RNF115: variants seen among roughly 807,000 people sequenced by gnomAD.
The protein encoded by RNF115 is E3 ubiquitin-protein ligase RNF115.
RNF115 carries 31 observed loss-of-function variants against 39.2 expected under a neutral mutation model. That is an observed-to-expected ratio of 0.79 (90% CI 0.59 to 1.07). The LOEUF is 1.07. Ranked by LOEUF, RNF115 falls within the 50% of genes least tolerant of loss-of-function variation. The pLI is 0.00. For synonymous variants in RNF115, 124 were observed against 131.0 expected (o/e 0.95, Z 0.37); for missense variants, 384 against 381.7 (o/e 1.01, Z -0.05).
rs1258294227 is a variant in RNF115, at chr1:145,744,982, T to C, written c.*1884A>G. On this transcript the variant is annotated 3_prime_UTR_variant, in exon 9 of 9. Transcript: ENST00000582693. Reference sequence around the variant, plus strand: ...TTTGGACATGATCACACTGATCAGTTTGAGTCCAAGTATAGCCAGAACCAA... The same window carrying C: ...TTTGGACATGATCACACTGATCAGTCTGAGTCCAAGTATAGCCAGAACCAA... The C allele has an allele frequency of 1.3e-5, 2 of 152,164 alleles. No individual in the cohort carries two copies. Among genetic ancestry groups the C allele is most frequent in the Non-Finnish European group, 2.9e-5 (2 of 68,042 alleles). The allele number at this position is 152,164 out of a possible 1,614,324, so 9.4% of individuals were successfully genotyped here.
At chr1:145,804,841 A>G (rs781927217) in intron 1 of RNF115, among the ~76,000 whole-genome samples, 2 of 152,148 alleles carry the variant, frequency 1.3e-5, no homozygotes, top group African/African-American at 2.4e-5. Flanking sequence ...AAGTGGAGGG[A>G]TGGAGATAGG....
Position 145,741,885 on chromosome 1 carries a change from G to C in RNF115, c.*4981C>G, listed in dbSNP as rs183224601. On this transcript the variant is annotated 3_prime_UTR_variant, in exon 9 of 9. Coordinates refer to ENST00000582693, the MANE Select transcript of RNF115 (RefSeq NM_014455.4). ...AGCACTTTGGGATGCTGAGGTCGGT[G>C]ATCACTTGACATCAGGAGTTCGAGA... 2.0e-5 allele frequency: 3 copies of C among 152,386 alleles called. No individual in the cohort carries two copies. The highest frequency in any genetic ancestry group is 4.4e-5 in the Non-Finnish European group (3 of 68,106). The allele number at this position is 152,386 out of a possible 1,614,324, so 9.4% of individuals were successfully genotyped here.
intron 1 of RNF115, among the ~76,000 whole-genome samples, chr1:145,794,573 G>C (rs1236881475): frequency 7.0e-6 from 1 of 142,156 alleles, no homozygotes; most frequent in African/African-American, 2.7e-5. Flanking sequence ...GCAGTGGTGC[G>C]ATCTCCTATT....
At chr1:145,808,212 G>A (rs782770373) in intron 1 of RNF115, among the ~76,000 whole-genome samples, 1 of 152,150 alleles carries the variant, frequency 6.6e-6, no homozygotes, top group Non-Finnish European at 1.5e-5. Flanking sequence ...CTACCCAGTA[G>A]CGGGATTGCT....
chr1:145,784,523 C>T lies in RNF115; in HGVS notation c.219+16G>A. 2 of 1,612,054 alleles carry T rather than the reference C, an allele frequency of 1.2e-6. No individual in the cohort carries two copies. The highest frequency in any genetic ancestry group is 1.7e-6 in the Non-Finnish European group (2 of 1,178,248). On this transcript the variant is annotated intron_variant, in intron 3 of 8. Coordinates refer to ENST00000582693, the MANE Select transcript of RNF115 (RefSeq NM_014455.4). Reference sequence around the variant, plus strand: ...ACCACTTCTTAAAGAATTCCTACAGCTAAAGGAAAACTTACCTCTGCAAAA... The same window carrying T: ...ACCACTTCTTAAAGAATTCCTACAGTTAAAGGAAAACTTACCTCTGCAAAA...
At chr1:145,815,122 T>G (rs1473952661) in intron 1 of RNF115, among the ~76,000 whole-genome samples, 4 of 152,306 alleles carry the variant, frequency 2.6e-5, no homozygotes, top group Non-Finnish European at 5.9e-5. Context: ...ACTTTTATTA[T>G]GGGTGGTTTG....
At position 145,746,225 on chromosome 1, in the gene RNF115, C is replaced by CA. The variant is rs200797637; in HGVS notation, c.*640dup. The CA allele has an allele frequency of 7.9e-3, 964 of 122,278 alleles. 11 individuals carry two copies. The highest frequency in any genetic ancestry group is 0.019 in the African/African-American group (638 of 33,060). 7.6% of individuals were successfully genotyped at this position (122,278 alleles called of 1,614,324 possible). A position where few individuals can be genotyped will look rare whatever the true frequency, so the allele number is the denominator to read the frequency against. ...TAGGCGACAGAGCGAGACTCCATCT[C>CA]AAAAAAAAAAAACAAAAAAAATTAA... On this transcript the variant is annotated 3_prime_UTR_variant, in exon 9 of 9. Transcript: ENST00000582693.
chr1:145,808,276 T>C (rs1447481147), intron 1 of RNF115, among the ~76,000 whole-genome samples: 2 of 152,192 alleles, frequency 1.3e-5, no homozygotes, highest in African/African-American at 4.8e-5. Flanking sequence ...CTGTTTTCCA[T>C]AGTGACCATA....
At chr1:145,754,438 C>G (rs1355115119) in intron 4 of RNF115, among the ~76,000 whole-genome samples, 1 of 152,102 alleles carries the variant, frequency 6.6e-6, no homozygotes, top group African/African-American at 2.4e-5. Flanking sequence ...ACTGCAACCT[C>G]CATATCCCAG....
intron 3 of RNF115, among the ~76,000 whole-genome samples, chr1:145,781,065 T>C (rs1648126980): frequency 6.6e-6 from 1 of 152,136 alleles, no homozygotes; most frequent in Admixed American, 6.5e-5. Flanking sequence ...CCCTCACACA[T>C]TATTCAAACA....
In RNF115 at chr1:145,764,672, G is replaced by A. The variant is rs1275475524; in HGVS notation, c.428+7039C>T. 2.0e-5 allele frequency among the ~76,000 whole-genome samples: 3 copies of A among 151,826 alleles called. No individual in the cohort carries two copies. In the East Asian group the frequency reaches 5.9e-4, roughly 30 times the overall value. On this transcript the variant is annotated intron_variant, in intron 4 of 8. Transcript: ENST00000582693. ...CCGCCCCGTCTGGGAAGTGAGGAGC[G>A]TCTCTGCCCAGCAGCCACTCGGTCC...
intron 3 of RNF115, chr1:145,772,658 CTCTT>C (rs1401962714): frequency 2.0e-5 from 3 of 152,168 alleles, no homozygotes; most frequent in African/African-American, 4.8e-5. Flanking sequence ...CCAAGATTCT[CTCTT>C]TATCTCTGGC....
At chr1:145,749,864 G>C (rs189560740) in intron 7 of RNF115, among the ~76,000 whole-genome samples, 1 of 152,076 alleles carries the variant, frequency 6.6e-6, no homozygotes, top group African/African-American at 2.4e-5. Flanking sequence ...CTCTAAACCC[G>C]AACTGATGGG....
At chr1:145,805,416 G>A (rs1649419543) in intron 1 of RNF115, among the ~76,000 whole-genome samples, 2 of 149,742 alleles carry the variant, frequency 1.3e-5, no homozygotes, top group Admixed American at 6.7e-5. Context: ...AATTATCCAG[G>A]CCAAGTTTAC....
rs1215655416 is a variant in RNF115 at position 145,750,453 on chromosome 1, T to C, written c.621A>G (p.Glu207=). The C allele has an allele frequency of 1.9e-6, 3 of 1,614,022 alleles. No individual in the cohort carries two copies. Among genetic ancestry groups the C allele is most frequent in the African/African-American group, 1.3e-5 (1 of 74,920 alleles). The change falls in exon 7 of 9, where the codon GAA becomes GAG. Residue 207 remains glutamate, a synonymous_variant. Coordinates refer to ENST00000582693, the MANE Select transcript of RNF115 (RefSeq NM_014455.4). ...TCACTGTTGGAAGAGATGTGATCTT[T>C]TCCTTGTCAGCTGGGGGAGGGCCTG... ...ENTGPPPADK[E]KITSLPTVTV...
chr1:145,812,476 A>G lies in RNF115; in HGVS notation c.102+11296T>C, dbSNP rs1370257885. 3.3e-5 allele frequency among the ~76,000 whole-genome samples: 5 copies of G among 151,010 alleles called. No individual in the cohort carries two copies. The South Asian group carries it at 6.3e-4, about 19-fold the overall frequency. ...GGAGTTTGAGACCAGCCTGGCCAAC[A>G]TGGTGAAACCCCGCCTCTACTAAAA... On this transcript the variant is annotated intron_variant, in intron 1 of 8. Coordinates refer to ENST00000582693, the MANE Select transcript of RNF115 (RefSeq NM_014455.4).
At chr1:145,784,726 A>G in intron 2 of RNF115, 130 bp from the exon 3 acceptor site, 1 of 656,402 alleles carries the variant, frequency 1.5e-6, no homozygotes, top group Admixed American at 2.8e-5. Flanking sequence ...CACAACACCT[A>G]TTAAAGGAAA....
chr1:145,819,240 A>G (rs2101615773), intron 1 of RNF115, among the ~76,000 whole-genome samples: 1 of 142,006 alleles, frequency 7.0e-6, no homozygotes, highest in South Asian at 2.5e-4. Flanking sequence ...GTTCAAGACC[A>G]GGCTGGGCAA....
In RNF115 at chr1:145,743,818, T is replaced by C. The variant is rs1435184560; in HGVS notation, c.*3048A>G. 3 of 146,860 alleles carry C rather than the reference T, an allele frequency of 2.0e-5. No homozygotes were observed. The highest frequency in any genetic ancestry group is 1.4e-4 in the Admixed American group (2 of 14,732). The allele number at this position is 146,860 out of a possible 1,614,324, so 9.1% of individuals were successfully genotyped here. Reference sequence around the variant, plus strand: ...AATAAATAAATAAATAAATAAATAATAATAATAATAATAATAAATCCCTGA... The same window carrying C: ...AATAAATAAATAAATAAATAAATAACAATAATAATAATAATAAATCCCTGA... On this transcript the variant is annotated 3_prime_UTR_variant, in exon 9 of 9. Coordinates refer to ENST00000582693, the MANE Select transcript of RNF115 (RefSeq NM_014455.4).
Sources: gnomAD v4.1 joint callset for allele counts (sites outside exome capture counted in the v4.1 genomes callset) on GRCh38, gnomAD v4.1.1 for gene constraint, MANE v1.5 for transcripts, NCBI Gene and HGNC (gene_info 2026-07-23, HGNC 2026-07-21) for gene names.